Variants in IQANK1 observed in about 807,000 individuals in gnomAD.
The protein encoded by IQANK1 is IQ motif and ankyrin repeat domain-containing protein 1.
In IQANK1, 30 loss-of-function variants were observed where a neutral mutation model predicts 22.6. The observed-to-expected ratio is 1.33, with a 90% CI of 0.99 to 1.80. The LOEUF (loss-of-function observed/expected upper bound fraction) is 1.80. Among genes scored for constraint, IQANK1 ranks in the 40% most tolerant of loss-of-function variants. IQANK1 has a pLI of 0.00. For missense variants in IQANK1, 275 were observed against 235.2 expected, an observed-to-expected ratio of 1.17 and a Z score of -1.11; for synonymous variants, 122 against 99.6, an observed-to-expected ratio of 1.23 and a Z score of -1.34.
chr8:143,759,040 G>A (rs185632608), intron 3 of IQANK1: 37 of 226,508 alleles, frequency 1.6e-4, no homozygotes, highest in Admixed American at 9.8e-4. Flanking sequence ...GTCCCAATCG[G>A]TGGGATGAGG....
At chr8:143,761,341 G>A (rs1260054738) in intron 3 of IQANK1, among the ~76,000 whole-genome samples, 8 of 152,216 alleles carry the variant, frequency 5.3e-5, no homozygotes, top group Non-Finnish European at 1.0e-4. Context: ...GGGAAGCTGC[G>A]CGCGGACGCG....
intron 3 of IQANK1, among the ~76,000 whole-genome samples, chr8:143,768,355 C>T (rs927771059): frequency 6.6e-6 from 1 of 151,968 alleles, no homozygotes; most frequent in African/African-American, 2.4e-5. Flanking sequence ...TGACGTTGCC[C>T]TCGATCACTT....
Position 143,771,994 on chromosome 8 carries a change from C to CG in IQANK1, c.471+35dup, listed in dbSNP as rs1248836694. The CG allele has an allele frequency of 4.3e-5, 11 of 255,416 alleles. No homozygotes were observed. Among genetic ancestry groups the CG allele is most frequent in the African/African-American group, 2.0e-4 (2 of 9,978 alleles). The allele number at this position is 255,416 out of a possible 1,614,324, so 15.8% of individuals were successfully genotyped here. On this transcript the variant is annotated intron_variant, in intron 5 of 13. Transcript: ENST00000527139. The surrounding 1 kb of genome is among the most constrained non-coding windows in gnomAD (Gnocchi z 6.0). The stretch of plus-strand genomic sequence containing the variant: ...AGCGGGGGCGGGAGGAGGACGAGGG[C>CG]GGGGGGTGGGGTGGGAGTGGGAGGA...
intron 3 of IQANK1, among the ~76,000 whole-genome samples, chr8:143,762,956 T>C (rs568682295): frequency 6.9e-6 from 1 of 145,908 alleles, no homozygotes; most frequent in Admixed American, 6.7e-5. Flanking sequence ...TTTTCTTTTC[T>C]CTTTTCTTTT....
intron 3 of IQANK1, among the ~76,000 whole-genome samples, chr8:143,757,727 C>T (rs1248013476): frequency 1.3e-5 from 2 of 152,054 alleles, no homozygotes; most frequent in Non-Finnish European, 2.9e-5. Flanking sequence ...TAGCTCATTG[C>T]AGCCTAGAAC....
At chr8:143,784,509 C>A (rs1446062076) in intron 7 of IQANK1, among the ~76,000 whole-genome samples, 1 of 152,202 alleles carries the variant, frequency 6.6e-6, no homozygotes, top group Non-Finnish European at 1.5e-5. Context: ...TCAGGTAGTT[C>A]TTTTTAGCCA....
At chr8:143,785,867 C>T (rs1212301204) in intron 7 of IQANK1, among the ~76,000 whole-genome samples, 2 of 152,132 alleles carry the variant, frequency 1.3e-5, no homozygotes, top group African/African-American at 4.8e-5. Context: ...GCTGGGATTA[C>T]AGGCACGCAC....
At chr8:143,781,171 G>A (rs532463201) in intron 7 of IQANK1, among the ~76,000 whole-genome samples, 1 of 151,992 alleles carries the variant, frequency 6.6e-6, no homozygotes, top group East Asian at 1.9e-4. Context: ...CTTTTTAATG[G>A]GGTTTTCTCT....
At chr8:143,780,842 A>G (rs1369834404) in intron 7 of IQANK1, among the ~76,000 whole-genome samples, 1 of 152,200 alleles carries the variant, frequency 6.6e-6, no homozygotes, top group Non-Finnish European at 1.5e-5. Flanking sequence ...GTATATACCC[A>G]GTAATGGGAT....
intron 7 of IQANK1, among the ~76,000 whole-genome samples, chr8:143,779,177 GT>G (rs1280902702): frequency 6.6e-6 from 1 of 152,102 alleles, no homozygotes; most frequent in Non-Finnish European, 1.5e-5. Flanking sequence ...ACTCATTAAT[GT>G]GCCCATTCCA....
At chr8:143,749,147 A>G (rs1819125297) in intron 3 of IQANK1, among the ~76,000 whole-genome samples, 1 of 121,678 alleles carries the variant, frequency 8.2e-6, no homozygotes, top group African/African-American at 3.5e-5. Context: ...TATATCATAC[A>G]TGATATAAAT....
chr8:143,771,390 C>CGGGGGCG lies in IQANK1; in HGVS notation c.176-94_176-93insGCGGGGG, dbSNP rs1563776661. 2.1e-5 allele frequency: 7 copies of CGGGGGCG among 338,520 alleles called. No individual in the cohort carries two copies. The highest frequency in any genetic ancestry group is 7.2e-5 in the African/African-American group (3 of 41,398). The allele number at this position is 338,520 out of a possible 1,614,324, so 21.0% of individuals were successfully genotyped here. ...TTGAGAGCCGTTTGGGTCCTTCTGT[C>CGGGGGCG]GGGGCGGGGGCGGGGGCGGGGCCGG... On this transcript the variant is annotated intron_variant, in intron 3 of 13. Coordinates refer to ENST00000527139, the MANE Select transcript of IQANK1 (RefSeq NM_001381874.1). The surrounding 1 kb of genome is among the most constrained non-coding windows in gnomAD (Gnocchi z 6.0).
chr8:143,773,300 CAA>C (rs1185632785), intron 7 of IQANK1, among the ~76,000 whole-genome samples: 5 of 79,676 alleles, frequency 6.3e-5, no homozygotes, highest in Admixed American at 1.3e-4. Context: ...GAGTGAGACT[CAA>C]AAAAAAAAAA....
intron 7 of IQANK1, among the ~76,000 whole-genome samples, chr8:143,786,874 G>A (rs1819899145): frequency 6.6e-6 from 1 of 152,272 alleles, no homozygotes; most frequent in South Asian, 2.1e-4. Flanking sequence ...AGATCCTGAG[G>A]GGGACAAGGA....
chr8:143,735,705 A>C lies in IQANK1; in HGVS notation c.-4-145A>C. 2 of 610,048 alleles carry C rather than the reference A, an allele frequency of 3.3e-6. No homozygotes were observed. Among genetic ancestry groups the C allele is most frequent in the African/African-American group, 3.6e-5 (2 of 54,828 alleles). 37.8% of individuals were successfully genotyped at this position (610,048 alleles called of 1,614,324 possible). A position where few individuals can be genotyped will look rare whatever the true frequency, so the allele number is the denominator to read the frequency against. On this transcript the variant is annotated intron_variant, in intron 1 of 13. Transcript: ENST00000527139. The surrounding 1 kb of genome is among the most constrained non-coding windows in gnomAD (Gnocchi z 5.2). Reference sequence around the variant, plus strand: ...CCCGGGGCGGGCAGGCAGACAGGACACCAGCTGGGAAGCCTCAGGGGAGCC... The same window carrying C: ...CCCGGGGCGGGCAGGCAGACAGGACCCCAGCTGGGAAGCCTCAGGGGAGCC...
chr8:143,766,829 G>A (rs1055438788), intron 3 of IQANK1, among the ~76,000 whole-genome samples: 1 of 152,158 alleles, frequency 6.6e-6, no homozygotes, highest in East Asian at 1.9e-4. Context: ...CTTCCGGTGC[G>A]ATCACCAGTC....
At chr8:143,756,390 G>C (rs548509121) in intron 3 of IQANK1, among the ~76,000 whole-genome samples, 1 of 152,268 alleles carries the variant, frequency 6.6e-6, no homozygotes, top group Admixed American at 6.5e-5. Flanking sequence ...ACCATGAGGA[G>C]CTTCCCAGGA....
chr8:143,751,678 A>ATAT (rs1554628061), intron 3 of IQANK1, among the ~76,000 whole-genome samples: 3 of 139,128 alleles, frequency 2.2e-5, no homozygotes, highest in African/African-American at 7.8e-5. Flanking sequence ...ATATATATAT[A>ATAT]AAATCCTATA....
At chr8:143,764,046 C>T (rs1554629047) in intron 3 of IQANK1, among the ~76,000 whole-genome samples, 1 of 152,074 alleles carries the variant, frequency 6.6e-6, no homozygotes, top group African/African-American at 2.4e-5. Context: ...AAGGATGATT[C>T]TCCTTCAAGG....
Sources: gnomAD v4.1 joint callset for allele counts (sites outside exome capture counted in the v4.1 genomes callset) on GRCh38, gnomAD v4.1.1 for gene constraint, Gnocchi (gnomAD v3.1) non-coding constraint, MANE v1.5 for transcripts, NCBI Gene and HGNC (gene_info 2026-07-23, HGNC 2026-07-21) for gene names.